Variants in ADGRL3 observed in about 807,000 individuals in gnomAD.
ADGRL3 encodes adhesion G protein-coupled receptor L3.
ADGRL3 carries 62 observed loss-of-function variants against 153.5 expected under a neutral mutation model. That is an observed-to-expected ratio of 0.40 (90% CI 0.33 to 0.50). ADGRL3 has a LOEUF of 0.50. Among genes scored for constraint, ADGRL3 ranks in the 20% least tolerant of loss-of-function variants. ADGRL3 has a pLI of 0.47. For missense variants in ADGRL3, 1,641 were observed against 1,859.4 expected, an observed-to-expected ratio of 0.88 and a Z score of 2.16; for synonymous variants, 710 against 672.5, an observed-to-expected ratio of 1.06 and a Z score of -0.86.
At chr4:61,641,179 G>T (rs1369023622) in intron 5 of ADGRL3, among the ~76,000 whole-genome samples, 9 of 151,660 alleles carry the variant, frequency 5.9e-5, no homozygotes, top group African/African-American at 1.7e-4. Flanking sequence ...ACCTCACACG[G>T]CTATTTTGAT....
chr4:61,452,429 T>C (rs2097687199), intron 2 of ADGRL3, among the ~76,000 whole-genome samples: 1 of 152,220 alleles, frequency 6.6e-6, no homozygotes, highest in Non-Finnish European at 1.5e-5. Flanking sequence ...AATCAGGGAA[T>C]CTGACCTACA....
At chr4:61,383,842 A>G (rs889358454) in intron 2 of ADGRL3, among the ~76,000 whole-genome samples, 6 of 151,944 alleles carry the variant, frequency 3.9e-5, no homozygotes, top group Admixed American at 3.9e-4. Context: ...AGAAGGCAAA[A>G]CAGGCCCACA....
chr4:61,249,513 C>T (rs1005368286), intron 1 of ADGRL3, among the ~76,000 whole-genome samples: 1 of 151,824 alleles, frequency 6.6e-6, no homozygotes, highest in East Asian at 1.9e-4. Context: ...TCTGGTGCTA[C>T]ACCTACCTCA....
intron 14 of ADGRL3, among the ~76,000 whole-genome samples, chr4:61,935,356 G>A (rs2098834041): frequency 6.6e-6 from 1 of 152,052 alleles, no homozygotes; most frequent in Non-Finnish European, 1.5e-5. Flanking sequence ...AGGACTGTTA[G>A]GAGTTATTTC....
rs567520886 is a variant in ADGRL3, at chr4:61,855,840, G to A, written c.1481-36816G>A. ...GCTATAGGGATATAAACCTAGTCCC[G>A]AATTTTGAGGATGTTACAGTAGAAG... On this transcript the variant is annotated intron_variant, in intron 9 of 26. Transcript: ENST00000683033. 3.3e-5 allele frequency among the ~76,000 whole-genome samples: 5 copies of A among 151,820 alleles called. No homozygotes were observed. The South Asian group carries it at 8.3e-4, about 25-fold the overall frequency.
intron 1 of ADGRL3, among the ~76,000 whole-genome samples, chr4:61,268,213 C>G (rs548216670): frequency 6.6e-6 from 1 of 151,658 alleles, no homozygotes; most frequent in African/African-American, 2.4e-5. Context: ...TCTCAGTAAG[C>G]TAACTAATTG....
At position 61,983,588 on chromosome 4, in the gene ADGRL3, A is replaced by T; in HGVS notation, c.3221A>T (p.Tyr1074Phe). Residue 1074 changes from tyrosine to phenylalanine, a missense_variant, in exon 19 of 27, where the codon TAT (tyrosine) becomes TTT (phenylalanine). This residue lies in a region of ADGRL3 where 32 missense variants were observed against 66.2 expected (regional missense o/e 0.48). Coordinates refer to ENST00000683033, the MANE Select transcript of ADGRL3 (RefSeq NM_001387552.1). ...AVSAAVDYRS[Y>F]GTDKVCWLRL... is the part of the protein sequence containing the mutation. Reference sequence around the variant, plus strand: ...TCAGCTGCAGTAGACTACAGGAGTTATGGAACAGATAAAGTGTAAGTTTAT... The same window carrying T: ...TCAGCTGCAGTAGACTACAGGAGTTTTGGAACAGATAAAGTGTAAGTTTAT... 1 of 1,613,550 alleles carries T rather than the reference A, an allele frequency of 6.2e-7. No individual in the cohort carries two copies. Among genetic ancestry groups the T allele is most frequent in the Non-Finnish European group, 8.5e-7 (1 of 1,179,532 alleles).
intron 5 of ADGRL3, among the ~76,000 whole-genome samples, chr4:61,630,011 C>T (rs111492694): frequency 0.015 from 2,208 of 152,134 alleles, 62 homozygotes; most frequent in African/African-American, 0.049. Context: ...CCCCAGAGTG[C>T]GAGCCATATG....
intron 5 of ADGRL3, among the ~76,000 whole-genome samples, chr4:61,595,748 C>G (rs2098986479): frequency 6.6e-6 from 1 of 152,094 alleles, no homozygotes; most frequent in Non-Finnish European, 1.5e-5. Context: ...GTCCTTGTGT[C>G]CCAAATCTCC....
chr4:61,764,250 A>T (rs931484824), intron 8 of ADGRL3, among the ~76,000 whole-genome samples: 4 of 152,146 alleles, frequency 2.6e-5, no homozygotes, highest in Non-Finnish European at 4.4e-5. Flanking sequence ...ACCACCAAAC[A>T]GGCTTTGTGT....
At chr4:61,751,456 G>T (rs1382173056) in intron 8 of ADGRL3, among the ~76,000 whole-genome samples, 1 of 152,060 alleles carries the variant, frequency 6.6e-6, no homozygotes, top group Non-Finnish European at 1.5e-5. Context: ...CTGCCCAGAG[G>T]AACCCTTTTC....
At chr4:62,001,187 G>C (rs565587589) in intron 21 of ADGRL3, among the ~76,000 whole-genome samples, 2 of 152,292 alleles carry the variant, frequency 1.3e-5, no homozygotes, top group African/African-American at 4.8e-5. Flanking sequence ...TACTTTTATA[G>C]TTGTGATCTG....
intron 1 of ADGRL3, among the ~76,000 whole-genome samples, chr4:61,327,637 G>T (rs567302849): frequency 3.3e-5 from 5 of 152,054 alleles, no homozygotes; most frequent in African/African-American, 1.2e-4. Flanking sequence ...TCTAGGATTG[G>T]AGTAGATCAC....
intron 4 of ADGRL3, among the ~76,000 whole-genome samples, chr4:61,556,413 CG>C: frequency 6.6e-6 from 1 of 151,762 alleles, no homozygotes; most frequent in East Asian, 1.9e-4. Flanking sequence ...CAGAATGAGC[CG>C]GGGGAGAGCA....
chr4:61,339,313 G>GCACATACAAT (rs1212766658), intron 1 of ADGRL3, among the ~76,000 whole-genome samples: 1 of 152,124 alleles, frequency 6.6e-6, no homozygotes, highest in Non-Finnish European at 1.5e-5. Flanking sequence ...TGTAAAACGA[G>GCACATACAAT]CACATACAAT....
chr4:61,322,525 A>G (rs1487063162), intron 1 of ADGRL3, among the ~76,000 whole-genome samples: 3 of 152,226 alleles, frequency 2.0e-5, no homozygotes, highest in Non-Finnish European at 2.9e-5. Flanking sequence ...TACTTCCTAG[A>G]TGCAATGGGA....
At chr4:61,226,786 T>C (rs1748169422) in intron 1 of ADGRL3, among the ~76,000 whole-genome samples, 1 of 144,980 alleles carries the variant, frequency 6.9e-6, no homozygotes, top group South Asian at 2.2e-4. Context: ...TAGTTAGGTG[T>C]TAGTAGGAAA....
At chr4:61,207,633 C>G (rs1737924385) in intron 1 of ADGRL3, among the ~76,000 whole-genome samples, 1 of 152,098 alleles carries the variant, frequency 6.6e-6, no homozygotes, top group Non-Finnish European at 1.5e-5. Context: ...CACCATCTTC[C>G]ACAATGGTTG....
chr4:61,388,325 C>G (rs369423513), intron 2 of ADGRL3, among the ~76,000 whole-genome samples: 9 of 152,288 alleles, frequency 5.9e-5, no homozygotes, highest in Middle Eastern at 3.4e-3. Flanking sequence ...TTGTAAAATA[C>G]ACTACAGTTT....
Sources: allele counts gnomAD v4.1 joint callset (sites outside exome capture counted in the v4.1 genomes callset), GRCh38; gene constraint gnomAD v4.1.1; regional missense constraint gnomAD v4.1.1; transcripts MANE v1.5; gene names NCBI Gene and HGNC (gene_info 2026-07-23, HGNC 2026-07-21).